Variants in OPRM1 observed in about 807,000 individuals in gnomAD.
OPRM1 encodes the protein opioid receptor mu 1.
A neutral mutation model predicts 31.8 loss-of-function variants in OPRM1; 27 were observed. The observed-to-expected ratio is 0.85, with a 90% CI of 0.63 to 1.17. OPRM1 has a LOEUF of 1.17. OPRM1 is among the 50% of genes most tolerant of loss of function. The pLI is 0.00. For missense variants in OPRM1, 536 were observed against 511.1 expected, an observed-to-expected ratio of 1.05 and a Z score of -0.47; for synonymous variants, 196 against 189.9, an observed-to-expected ratio of 1.03 and a Z score of -0.26.
intron 3 of OPRM1, among the ~76,000 whole-genome samples, chr6:154,199,395 T>C (rs1352222851): frequency 3.9e-5 from 6 of 152,182 alleles, no homozygotes; most frequent in African/African-American, 1.2e-4. Flanking sequence ...TTTTCTCCGA[T>C]TGGTGGAAAA....
chr6:154,236,539 G>A (rs1780149989), intron 3 of OPRM1, among the ~76,000 whole-genome samples: 1 of 152,162 alleles, frequency 6.6e-6, no homozygotes, highest in African/African-American at 2.4e-5. Flanking sequence ...AAATGGCTAA[G>A]ATGGTAAACT....
At chr6:154,232,927 G>C (rs1232243898) in intron 3 of OPRM1, among the ~76,000 whole-genome samples, 6 of 150,992 alleles carry the variant, frequency 4.0e-5, no homozygotes, top group Non-Finnish European at 8.9e-5. Context: ...AAAAGAGAAG[G>C]AATGACCCAG....
intron 1 of OPRM1, among the ~76,000 whole-genome samples, chr6:154,054,780 G>T (rs982347152): frequency 1.3e-5 from 2 of 152,154 alleles, no homozygotes; most frequent in Non-Finnish European, 2.9e-5. Context: ...ATGCTTGAGA[G>T]GATGCATACC....
At chr6:154,188,550 A>G (rs1359749517) in intron 3 of OPRM1, among the ~76,000 whole-genome samples, 3 of 152,252 alleles carry the variant, frequency 2.0e-5, no homozygotes, top group Admixed American at 2.0e-4. Flanking sequence ...TAAAAGGTAT[A>G]TGGAGGTTAA....
intron 3 of OPRM1, among the ~76,000 whole-genome samples, chr6:154,223,992 C>T (rs1779063645): frequency 6.6e-6 from 1 of 152,214 alleles, no homozygotes; most frequent in South Asian, 2.1e-4. Flanking sequence ...TGTCCCACCT[C>T]TCTAAGAATT....
chr6:154,018,281 A>G (rs977976732), intron 1 of OPRM1, among the ~76,000 whole-genome samples: 32 of 152,192 alleles, frequency 2.1e-4, no homozygotes, highest in Admixed American at 9.8e-4. Flanking sequence ...TTAGCCAGGC[A>G]TGGTGGCTCT....
chr6:154,182,929 C>G (rs1801018853), intron 3 of OPRM1, among the ~76,000 whole-genome samples: 1 of 151,956 alleles, frequency 6.6e-6, no homozygotes, highest in Non-Finnish European at 1.5e-5. Context: ...TAGCTTATCT[C>G]AATTTCACTA....
rs184820996 is a variant in OPRM1 at position 154,048,335 on chromosome 6, A to G, written c.290+8501A>G. The stretch of plus-strand genomic sequence containing the variant: ...GTAACGTATCTCTCATTCTTTTCCT[A>G]TCAAAATGTTTCTTGTTCTTCAAGT... On this transcript the variant is annotated intron_variant, in intron 1 of 3. Coordinates refer to ENST00000330432, the MANE Select transcript of OPRM1 (RefSeq NM_000914.5). Among the ~76,000 whole-genome samples the G allele has an allele frequency of 5.9e-5, 9 of 151,954 alleles. No individual in the cohort carries two copies. The East Asian group carries it at 1.2e-3, about 20-fold the overall frequency.
At chr6:154,102,910 A>G (rs1795046517) in intron 3 of OPRM1, among the ~76,000 whole-genome samples, 2 of 136,576 alleles carry the variant, frequency 1.5e-5, no homozygotes, top group African/African-American at 6.1e-5. Flanking sequence ...TACACCACTA[A>G]CCAGTTGCAA....
chr6:154,146,386 C>G (rs1562507767), intron 3 of OPRM1, among the ~76,000 whole-genome samples: 1 of 152,106 alleles, frequency 6.6e-6, no homozygotes, highest in Non-Finnish European at 1.5e-5. Flanking sequence ...GGCAACAGAA[C>G]AAGACTCCCT....
chr6:154,155,495 A>C (rs952388259), intron 3 of OPRM1: 25 of 152,336 alleles, frequency 1.6e-4, no homozygotes, highest in African/African-American at 5.3e-4. Flanking sequence ...GTATGTGGCT[A>C]TATCAAAATA....
intron 3 of OPRM1, chr6:154,217,031 A>G: frequency 6.3e-6 from 1 of 158,808 alleles, no homozygotes; most frequent in Non-Finnish European, 1.4e-5. Flanking sequence ...GAAATTCCCT[A>G]GGCTATCAAA....
In OPRM1 at chr6:154,118,842, A is replaced by T. The variant is rs202044808; in HGVS notation, c.*121A>T. The T allele has an allele frequency of 1.3e-6, 2 of 1,523,208 alleles. No individual in the cohort carries two copies. The highest frequency in any genetic ancestry group is 1.3e-5 in the South Asian group (1 of 77,290). 94.4% of individuals were successfully genotyped at this position (1,523,208 alleles called of 1,614,324 possible). ...CTAGGAAAGTGCCTGCTTTTAGGTC[A>T]TCCAACCTCTTTCCTCTCTGGCCAC... On this transcript the variant is annotated 3_prime_UTR_variant, in exon 4 of 4. Coordinates refer to ENST00000330432, the MANE Select transcript of OPRM1 (RefSeq NM_000914.5).
chr6:154,222,578 C>T (rs1778949667), intron 3 of OPRM1, among the ~76,000 whole-genome samples: 2 of 152,268 alleles, frequency 1.3e-5, no homozygotes, highest in East Asian at 1.9e-4. Flanking sequence ...ACAGCCAGCC[C>T]GCTCATGAGA....
At chr6:154,109,297 G>A (rs1796053279) in intron 3 of OPRM1, among the ~76,000 whole-genome samples, 1 of 152,196 alleles carries the variant, frequency 6.6e-6, no homozygotes. Flanking sequence ...TAAAGCCAAT[G>A]GGTAGAGGTT....
At chr6:154,108,969 G>A (rs1274400312) in intron 3 of OPRM1, 1 of 984,364 alleles carries the variant, frequency 1.0e-6, no homozygotes, top group South Asian at 4.7e-5. Flanking sequence ...AATAAGTCAT[G>A]GGGATTTTAT....
intron 3 of OPRM1, among the ~76,000 whole-genome samples, chr6:154,165,120 CCT>C (rs1799323327): frequency 6.6e-6 from 1 of 152,130 alleles, no homozygotes; most frequent in African/African-American, 2.4e-5. Flanking sequence ...ATAAACATTT[CCT>C]CTGTGTATGA....
At chr6:154,171,565 T>C (rs1799872437) in intron 3 of OPRM1, among the ~76,000 whole-genome samples, 2 of 152,180 alleles carry the variant, frequency 1.3e-5, no homozygotes, top group Admixed American at 1.3e-4. Context: ...GCTGCACAAT[T>C]CCAAATATAC....
At chr6:154,173,194 A>T (rs1431268807) in intron 3 of OPRM1, among the ~76,000 whole-genome samples, 1 of 152,238 alleles carries the variant, frequency 6.6e-6, no homozygotes, top group African/African-American at 2.4e-5. Flanking sequence ...AAGGTAGATA[A>T]AACCTCAAAA....
Sources: allele counts gnomAD v4.1 joint callset (sites outside exome capture counted in the v4.1 genomes callset), GRCh38; gene constraint gnomAD v4.1.1; transcripts MANE v1.5; gene names NCBI Gene and HGNC (gene_info 2026-07-23, HGNC 2026-07-21).